The following TTC6 variants were observed in gnomAD, a reference collection of about 807,000 sequenced individuals.
The protein encoded by TTC6 is tetratricopeptide repeat domain 6.
In TTC6, 172 loss-of-function variants were observed where a neutral mutation model predicts 210.4. That is an observed-to-expected ratio of 0.82 (90% CI 0.72 to 0.93). TTC6 has a LOEUF of 0.93. TTC6 is among the 40% of genes least tolerant of loss of function. TTC6 has a pLI of 0.00. For missense variants in TTC6, 2,414 were observed against 2,318.1 expected, an observed-to-expected ratio of 1.04 and a Z score of -0.85; for synonymous variants, 804 against 819.6, an observed-to-expected ratio of 0.98 and a Z score of 0.32.
At chr14:37,625,896 T>A (rs1222938552) in intron 1 of TTC6, among the ~76,000 whole-genome samples, 1 of 152,188 alleles carries the variant, frequency 6.6e-6, no homozygotes, top group Non-Finnish European at 1.5e-5. Flanking sequence ...AACTTAGCTG[T>A]CAAATGTCAG....
At chr14:37,667,920 A>G (rs1438419925) in intron 1 of TTC6, among the ~76,000 whole-genome samples, 2 of 150,460 alleles carry the variant, frequency 1.3e-5, no homozygotes, top group African/African-American at 4.8e-5. Context: ...GTGGATCATG[A>G]GGTCAGGAGT....
intron 2 of TTC6, among the ~76,000 whole-genome samples, chr14:37,614,810 A>G (rs1347779532): frequency 6.6e-6 from 1 of 152,132 alleles, no homozygotes; most frequent in Non-Finnish European, 1.5e-5. Flanking sequence ...GCAGTGTCAC[A>G]ATCTTGGCTC....
At chr14:37,656,756 C>T (rs2095724324) in intron 1 of TTC6, among the ~76,000 whole-genome samples, 1 of 152,014 alleles carries the variant, frequency 6.6e-6, no homozygotes, top group South Asian at 2.1e-4. Flanking sequence ...AAGGATGGCT[C>T]CTCCTTTTTG....
chr14:37,839,992 G>C (rs984252650), intron 29 of TTC6, among the ~76,000 whole-genome samples: 3 of 152,102 alleles, frequency 2.0e-5, no homozygotes, highest in African/African-American at 7.2e-5. Flanking sequence ...CCTCTGTTCT[G>C]TTCCATTGGT....
At chr14:37,709,660 A>G (rs1415832502) in intron 5 of TTC6, among the ~76,000 whole-genome samples, 1 of 150,600 alleles carries the variant, frequency 6.6e-6, no homozygotes, top group Non-Finnish European at 1.5e-5. Flanking sequence ...GATGATTACA[A>G]ATACAATTTT....
chr14:37,760,414 C>G (rs2095980597), intron 14 of TTC6, among the ~76,000 whole-genome samples: 1 of 152,206 alleles, frequency 6.6e-6, no homozygotes, highest in Non-Finnish European at 1.5e-5. Context: ...AGCCAGAGCT[C>G]TCCTGTATGA....
rs549139095 is a variant in TTC6, at chr14:37,616,923, C to T, written c.-154-5127C>T. Among the ~76,000 whole-genome samples the T allele has an allele frequency of 6.6e-5, 10 of 152,220 alleles. No individual in the cohort carries two copies. The South Asian group carries it at 1.5e-3, about 22-fold the overall frequency. The stretch of plus-strand genomic sequence containing the variant: ...TAAGACAGAGTCTTTGTCACCCAGG[C>T]TGGAGTGCAGTGGCACAATGATGGC... On this transcript the variant is annotated intron_variant, in intron 2 of 2. Coordinates refer to the TTC6 transcript ENST00000556845.
At chr14:37,739,990 C>T (rs548597022) in intron 10 of TTC6, among the ~76,000 whole-genome samples, 10 of 151,748 alleles carry the variant, frequency 6.6e-5, no homozygotes, top group African/African-American at 1.7e-4. Flanking sequence ...AGTGAAACCC[C>T]GTCTCTACTA....
chr14:37,685,255 C>G (rs2095791545), intron 3 of TTC6, among the ~76,000 whole-genome samples: 1 of 151,964 alleles, frequency 6.6e-6, no homozygotes, highest in African/African-American at 2.4e-5. Context: ...CCTGAATCTC[C>G]CAAATTCTCA....
At chr14:37,596,284 C>T (rs1219456275) in intron 1 of TTC6, among the ~76,000 whole-genome samples, 1 of 152,230 alleles carries the variant, frequency 6.6e-6, no homozygotes, top group Non-Finnish European at 1.5e-5. Flanking sequence ...TCTCCCATAA[C>T]ACGCGCGTTA....
At chr14:37,650,799 C>A (rs2095709884) in intron 1 of TTC6, among the ~76,000 whole-genome samples, 1 of 152,128 alleles carries the variant, frequency 6.6e-6, no homozygotes. Flanking sequence ...GCGCTATTAA[C>A]TGGATCCTTT....
intron 14 of TTC6, among the ~76,000 whole-genome samples, chr14:37,761,662 C>G (rs1195638255): frequency 6.6e-6 from 1 of 151,986 alleles, no homozygotes; most frequent in Non-Finnish European, 1.5e-5. Context: ...CCTTATAGTT[C>G]TTTATAGTTG....
intron 1 of TTC6, among the ~76,000 whole-genome samples, chr14:37,603,200 G>C (rs1421188211): frequency 2.0e-5 from 3 of 152,206 alleles, no homozygotes; most frequent in Non-Finnish European, 2.9e-5. Context: ...GCTGACCGCA[G>C]TGCTGCCGAC....
At chr14:37,757,708 A>G (rs1167504325) in intron 14 of TTC6, among the ~76,000 whole-genome samples, 1 of 150,062 alleles carries the variant, frequency 6.7e-6, no homozygotes, top group East Asian at 2.0e-4. Context: ...GATCTTTTTT[A>G]TTTCTTCTCT....
chr14:37,680,268 T>G lies in TTC6; in HGVS notation c.1050+7T>G, dbSNP rs1030913680. Reference sequence around the variant, plus strand: ...TGCTGAGGAATCGCAAATGGTAAAGTCTTTAATAAAAATCCTCCTTGCCTC... The same window carrying G: ...TGCTGAGGAATCGCAAATGGTAAAGGCTTTAATAAAAATCCTCCTTGCCTC... On this transcript the variant is annotated splice_region_variant and intron_variant, in intron 2 of 30. Coordinates refer to ENST00000553443, the Ensembl canonical transcript of TTC6. 2.0e-6 allele frequency: 3 copies of G among 1,493,488 alleles called. No individual in the cohort carries two copies. The highest frequency in any genetic ancestry group is 8.9e-7 in the Non-Finnish European group (1 of 1,118,084). The allele number at this position is 1,493,488 out of a possible 1,614,324, so 92.5% of individuals were successfully genotyped here.
chr14:37,730,067 A>G (rs2095881937), intron 7 of TTC6, among the ~76,000 whole-genome samples: 1 of 152,118 alleles, frequency 6.6e-6, no homozygotes, highest in South Asian at 2.1e-4. Context: ...GCACAAAAAG[A>G]TAGCTCAAGC....
At chr14:37,723,102 ACTC>A (rs980051413) in intron 6 of TTC6, among the ~76,000 whole-genome samples, 17 of 151,636 alleles carry the variant, frequency 1.1e-4, no homozygotes, top group Non-Finnish European at 2.4e-4. Context: ...GCCATTGGGA[ACTC>A]CTTCAGATGG....
Position 37,689,497 on chromosome 14 carries a change from A to G in TTC6, c.1257+6533A>G, listed in dbSNP as rs558658792. On this transcript the variant is annotated intron_variant, in intron 3 of 30. Transcript: ENST00000553443. ...ATAGAACACCAAGAAAATTTAACCC[A>G]AAGACGGCTACTTCAAGACATTTAA... 1.3e-4 allele frequency among the ~76,000 whole-genome samples: 20 copies of G among 152,272 alleles called. No homozygotes were observed. In the South Asian group the frequency reaches 3.7e-3, roughly 28 times the overall value.
chr14:37,780,915 G>T (rs544302282), intron 14 of TTC6, among the ~76,000 whole-genome samples: 131 of 152,072 alleles, frequency 8.6e-4, no homozygotes, highest in African/African-American at 3.0e-3. Context: ...TGCTAAGAAC[G>T]ATGATTTCCA....
Sources: allele counts gnomAD v4.1 joint callset (sites outside exome capture counted in the v4.1 genomes callset), GRCh38; gene constraint gnomAD v4.1.1; transcripts MANE v1.5; gene names NCBI Gene and HGNC (gene_info 2026-07-23, HGNC 2026-07-21).